Variants in RABGAP1L observed in about 807,000 individuals in gnomAD.
The protein encoded by RABGAP1L is rab GTPase-activating protein 1-like.
In RABGAP1L, 63 loss-of-function variants were observed where a neutral mutation model predicts 137.7. The observed-to-expected ratio is 0.46, with a 90% CI of 0.37 to 0.56. The LOEUF (loss-of-function observed/expected upper bound fraction) is 0.56. Ranked by LOEUF, RABGAP1L falls within the 20% of genes least tolerant of loss-of-function variation. The pLI is 0.00. For synonymous variants in RABGAP1L, 431 were observed against 433.7 expected (o/e 0.99, Z 0.08); for missense variants, 1,095 against 1,244.0 (o/e 0.88, Z 1.80).
chr1:174,920,018 A>T (rs1661540965), intron 19 of RABGAP1L, among the ~76,000 whole-genome samples: 1 of 152,248 alleles, frequency 6.6e-6, no homozygotes, highest in Non-Finnish European at 1.5e-5. Context: ...TTTGTGGATT[A>T]TAATGTGATT....
chr1:174,523,198 T>C (rs1332917511), intron 13 of RABGAP1L, among the ~76,000 whole-genome samples: 4 of 152,186 alleles, frequency 2.6e-5, no homozygotes, highest in Admixed American at 1.3e-4. Flanking sequence ...CCCAGGGATA[T>C]AGCTCAGTCA....
intron 13 of RABGAP1L, among the ~76,000 whole-genome samples, chr1:174,420,316 C>T (rs757908709): frequency 6.6e-6 from 1 of 151,686 alleles, no homozygotes; most frequent in Admixed American, 6.6e-5. Flanking sequence ...AATGTAGTGG[C>T]ACATACTAAA....
At chr1:174,721,620 TAGGC>T (rs1468089795) in intron 17 of RABGAP1L, among the ~76,000 whole-genome samples, 1 of 152,186 alleles carries the variant, frequency 6.6e-6, no homozygotes, top group African/African-American at 2.4e-5. Context: ...TAATTAAAAA[TAGGC>T]AGGTATTTTA....
At chr1:174,526,295 G>T (rs79589199) in intron 13 of RABGAP1L, among the ~76,000 whole-genome samples, 10,883 of 151,870 alleles carry the variant, frequency 0.072, 1,055 homozygotes, top group African/African-American at 0.21. Flanking sequence ...ATAGTTTTTT[G>T]TTGTTGTTGT....
At chr1:174,225,980 A>G (rs1430049479) in intron 3 of RABGAP1L, among the ~76,000 whole-genome samples, 2 of 152,110 alleles carry the variant, frequency 1.3e-5, no homozygotes, top group Non-Finnish European at 2.9e-5. Context: ...CGCGACTACC[A>G]GCATTTCAGG....
chr1:174,243,962 A>G (rs1434400466), intron 5 of RABGAP1L, among the ~76,000 whole-genome samples: 1 of 152,126 alleles, frequency 6.6e-6, no homozygotes, highest in East Asian at 1.9e-4. Flanking sequence ...TTATAAAGGG[A>G]TTTATTGGTA....
intron 10 of RABGAP1L, among the ~76,000 whole-genome samples, chr1:174,296,586 G>C (rs2148737317): frequency 6.6e-6 from 1 of 152,214 alleles, no homozygotes; most frequent in Non-Finnish European, 1.5e-5. Flanking sequence ...TGCATCACTT[G>C]GTATTTTCTT....
At chr1:174,492,352 T>C (rs1182460200) in intron 13 of RABGAP1L, among the ~76,000 whole-genome samples, 2 of 149,294 alleles carry the variant, frequency 1.3e-5, no homozygotes, top group Non-Finnish European at 3.0e-5. Context: ...GACTAATTTT[T>C]TTTTTTTTTT....
intron 18 of RABGAP1L, 103 bp downstream of exon 18, chr1:174,752,457 G>C: frequency 1.2e-6 from 1 of 814,862 alleles, no homozygotes; most frequent in Non-Finnish European, 1.9e-6. Context: ...CAGTTTCTCA[G>C]ACACACAAAA....
At chr1:174,402,274 C>T (rs558951586) in intron 13 of RABGAP1L, among the ~76,000 whole-genome samples, 1 of 152,226 alleles carries the variant, frequency 6.6e-6, no homozygotes, top group South Asian at 2.1e-4. Context: ...AGGGACAACT[C>T]ATCCCTACTT....
At chr1:174,379,233 T>G (rs1411259679) in intron 12 of RABGAP1L, among the ~76,000 whole-genome samples, 4 of 149,804 alleles carry the variant, frequency 2.7e-5, no homozygotes, top group Non-Finnish European at 5.9e-5. Flanking sequence ...TGCCTCCAGC[T>G]TTGTTCTTTT....
In RABGAP1L at chr1:174,631,334, AGGTGT is replaced by A. The variant is rs1673361637; in HGVS notation, c.1711-6031_1711-6027del. ...CCAACTATGTGGTCAATTATGGAAT[AGGTGT>A]GGTGTGGTGCTGAAAAAAATGTATA... On this transcript the variant is annotated intron_variant, in intron 13 of 25. Transcript: ENST00000681986. Among the ~76,000 whole-genome samples the A allele has an allele frequency of 1.4e-5, 2 of 140,250 alleles. 1 individual carries two copies. Among genetic ancestry groups the A allele is most frequent in the South Asian group, 4.5e-4 (2 of 4,456 alleles). 92.0% of individuals were successfully genotyped at this position (140,250 alleles called of 152,430 possible). A position where few individuals can be genotyped will look rare whatever the true frequency, so the allele number is the denominator to read the frequency against.
At chr1:174,254,340 C>T (rs1672944420) in intron 7 of RABGAP1L, among the ~76,000 whole-genome samples, 3 of 152,220 alleles carry the variant, frequency 2.0e-5, no homozygotes, top group African/African-American at 2.4e-5. Flanking sequence ...TTTTTAAATA[C>T]TTTAAGTTCT....
At chr1:174,614,636 T>A (rs1228901418) in intron 13 of RABGAP1L, among the ~76,000 whole-genome samples, 2 of 152,228 alleles carry the variant, frequency 1.3e-5, no homozygotes, top group Non-Finnish European at 2.9e-5. Context: ...CCTTGCTAGA[T>A]TGGGGAAGTT....
chr1:174,969,331 G>A lies in RABGAP1L; in HGVS notation c.2488G>A (p.Asp830Asn). The stretch of plus-strand genomic sequence containing the variant: ...CATGAGGTTGGAACAAGAGAATGAT[G>A]ACCTTGCCCATGAACTAGTAACAAG... The part of the protein sequence containing the change: ...ASMRLEQEND[D>N]LAHELVTSKI... Residue 830 changes from aspartate (D) to asparagine (N), a missense_variant, in exon 21 of 26, where the codon GAC becomes AAC. Around this residue, in one of 4 missense-constraint regions of RABGAP1L, gnomAD observed 312 missense variants for 435.6 expected, o/e 0.72. Transcript: ENST00000681986. 1 of 1,550,812 alleles carries A rather than the reference G, an allele frequency of 6.4e-7. No homozygotes were observed. Among genetic ancestry groups the A allele is most frequent in the Non-Finnish European group, 8.7e-7 (1 of 1,146,992 alleles).
chr1:174,573,003 C>T (rs1017922551), intron 13 of RABGAP1L, among the ~76,000 whole-genome samples: 2 of 150,096 alleles, frequency 1.3e-5, no homozygotes, highest in African/African-American at 2.5e-5. Flanking sequence ...AGGGATTAAT[C>T]GACTTTGCCA....
chr1:174,629,617 G>C (rs1673178570), intron 13 of RABGAP1L, among the ~76,000 whole-genome samples: 1 of 152,106 alleles, frequency 6.6e-6, no homozygotes, highest in South Asian at 2.1e-4. Context: ...CCACTTCCCA[G>C]GTTCAAGCGA....
intron 13 of RABGAP1L, among the ~76,000 whole-genome samples, chr1:174,541,577 C>A (rs911028334): frequency 6.6e-6 from 1 of 152,154 alleles, no homozygotes; most frequent in Admixed American, 6.5e-5. Flanking sequence ...GAGATCGAGA[C>A]CATCCTGGCT....
intron 19 of RABGAP1L, among the ~76,000 whole-genome samples, chr1:174,889,201 T>G (rs1655695616): frequency 6.6e-6 from 1 of 151,604 alleles, no homozygotes; most frequent in African/African-American, 2.4e-5. Flanking sequence ...TCGGCTCACT[T>G]CAACCTCCGC....
Sources: allele counts gnomAD v4.1 joint callset (sites outside exome capture counted in the v4.1 genomes callset), GRCh38; gene constraint gnomAD v4.1.1; regional missense constraint gnomAD v4.1.1; transcripts MANE v1.5; gene names NCBI Gene and HGNC (gene_info 2026-07-23, HGNC 2026-07-21).